DNAH7: variants seen among roughly 807,000 people sequenced by gnomAD.
DNAH7 encodes dynein axonemal heavy chain 7, also known as axonemal beta dynein heavy chain 7.
Under a neutral mutation model 444.6 loss-of-function variants are expected in DNAH7, and 397 were observed. The ratio of observed to expected loss-of-function variants is 0.89; its 90% CI spans 0.82 to 0.97. The LOEUF (loss-of-function observed/expected upper bound fraction) is 0.97, where lower values mean the gene tolerates loss of function less well. DNAH7 is among the 50% of genes least tolerant of loss of function. The probability of loss-of-function intolerance (pLI) is 0.00; values close to 1 mark genes in which losing one functional copy is unlikely to be tolerated. For missense variants in DNAH7, 4,902 were observed against 4,800.8 expected, an observed-to-expected ratio of 1.02 and a Z score of -0.62; for synonymous variants, 1,636 against 1,624.4, an observed-to-expected ratio of 1.01 and a Z score of -0.17.
chr2:196,065,390 C>T (rs996253122), intron 1 of DNAH7, among the ~76,000 whole-genome samples: 2 of 152,156 alleles, frequency 1.3e-5, no homozygotes, highest in Non-Finnish European at 2.9e-5. Context: ...AGGAACTCAA[C>T]AACTGTTAAT....
At chr2:195,808,579 C>T (rs557022381) in intron 53 of DNAH7, 103 bp downstream of exon 53, 4 of 1,366,048 alleles carry the variant, frequency 2.9e-6, no homozygotes, top group African/African-American at 1.5e-5. Flanking sequence ...TAACATGTGA[C>T]CAGTTGTTTA....
At chr2:195,930,773 C>A (rs1688638777) in intron 21 of DNAH7, among the ~76,000 whole-genome samples, 1 of 152,156 alleles carries the variant, frequency 6.6e-6, no homozygotes. Flanking sequence ...ATGGAATCAA[C>A]CTAGGTGCCA....
intron 5 of DNAH7, among the ~76,000 whole-genome samples, chr2:196,046,454 T>C (rs1356732928): frequency 6.6e-6 from 1 of 152,164 alleles, no homozygotes; most frequent in Non-Finnish European, 1.5e-5. Context: ...TTCTAAAAAT[T>C]TGTAACCAGA....
rs1692212889 is a variant in DNAH7, at chr2:195,976,743, C to CAGAGAGAGAGAGAGAG, written c.1834-4278_1834-4277insCTCTCTCTCTCTCTCT. ...TAGCAGACAGAGAGAGACAGAGAGG[C>CAGAGAGAGAGAGAGAG]AGACAGAGAGAGAGAGAGAGAGAGA... On this transcript the variant is annotated intron_variant, in intron 15 of 64. Transcript: ENST00000312428. Among the ~76,000 whole-genome samples the CAGAGAGAGAGAGAGAG allele has an allele frequency of 3.8e-4, 7 of 18,348 alleles. 1 individual carries two copies. The highest frequency in any genetic ancestry group is 1.1e-3 in the Non-Finnish European group (6 of 5,652). 12.0% of individuals were successfully genotyped at this position (18,348 alleles called of 152,430 possible).
In DNAH7 at chr2:195,987,144, GCT is replaced by G. The variant is rs1457969758; in HGVS notation, c.1674_1675del (p.Arg558SerfsTer16). On this transcript the variant is annotated frameshift_variant, in exon 14 of 65. Transcript: ENST00000312428. LOFTEE classifies it high-confidence loss of function. ...AATAATATCTGCTCGCTTCACCAAA[GCT>G]CTGATTAATTCCTCACAGTGCATTT... 6.2e-6 allele frequency: 10 copies of G among 1,607,234 alleles called. No individual in the cohort carries two copies. The highest frequency in any genetic ancestry group is 3.4e-5 in the Admixed American group (2 of 58,256).
chr2:195,865,576 A>G (rs1000644398), intron 40 of DNAH7, among the ~76,000 whole-genome samples: 5 of 152,162 alleles, frequency 3.3e-5, no homozygotes, highest in African/African-American at 9.7e-5. Context: ...ACAGAGAGCA[A>G]TCTACTAAAA....
chr2:195,891,440 T>C (rs1702006186), intron 31 of DNAH7, among the ~76,000 whole-genome samples: 1 of 152,008 alleles, frequency 6.6e-6, no homozygotes, highest in African/African-American at 2.4e-5. Flanking sequence ...CCCTCTCTTC[T>C]GTATTCCTCC....
In DNAH7 at chr2:195,816,771, A is replaced by C. The variant is rs1697239334; in HGVS notation, c.9618T>G (p.Ile3206Met). ...AAAATAGGATGGAAGAATGGATGGC[A>C]ATAGGACGATAGCCCATGCGGGTGG... ...IDTTRMGYRP[I>M]AIHSSILFFS... The change falls in exon 51 of 65, where the codon ATT becomes ATG. Residue 3206 changes from isoleucine to methionine, a missense_variant. Ile to Met is a conservative substitution (Grantham distance 10). Coordinates refer to ENST00000312428, the MANE Select transcript of DNAH7 (RefSeq NM_018897.3). 1.2e-6 allele frequency: 2 copies of C among 1,614,186 alleles called. No individual in the cohort carries two copies. Among genetic ancestry groups the C allele is most frequent in the Non-Finnish European group, 1.7e-6 (2 of 1,180,016 alleles).
At position 195,787,125 on chromosome 2, in the gene DNAH7, A is replaced by G. The variant is rs201635803; in HGVS notation, c.10763T>C (p.Leu3588Ser). Residue 3588 changes from leucine to serine, a missense_variant, in exon 58 of 65, where the codon TTG becomes TCG. Coordinates refer to ENST00000312428, the MANE Select transcript of DNAH7 (RefSeq NM_018897.3). ...TCCAAATTTCCGTCTTTCTTGTACC[A>G]AAGCATGAAAGAAACACAGGCCATA... ...LLYGLCFFHA[L>S]VQERRKFGPL... is the part of the protein sequence containing the mutation. 15 of 1,609,392 alleles carry G rather than the reference A, an allele frequency of 9.3e-6. No homozygotes were observed. In the Admixed American group the frequency reaches 1.2e-4, roughly 13 times the overall value.
chr2:195,898,179 T>C (rs572951947), intron 28 of DNAH7, among the ~76,000 whole-genome samples: 7 of 152,164 alleles, frequency 4.6e-5, no homozygotes, highest in African/African-American at 1.7e-4. Flanking sequence ...TTAAAACATA[T>C]AAACATTCAC....
chr2:195,876,704 A>G lies in DNAH7; in HGVS notation c.5962-5T>C, dbSNP rs80309791. 21,953 of 1,526,926 alleles carry G rather than the reference A, an allele frequency of 0.014. 1,870 individuals carry two copies. The East Asian group carries it at 0.25, about 18-fold the overall frequency. The allele number at this position is 1,526,926 out of a possible 1,614,324, so 94.6% of individuals were successfully genotyped here. On this transcript the variant is annotated splice_polypyrimidine_tract_variant and splice_region_variant and intron_variant, in intron 36 of 64. Transcript: ENST00000312428. ...TAGTTGATTTAAAAGAAAATTCTAT[A>G]TAACAAAATAATAAAATGAGCCATA...
intron 14 of DNAH7, among the ~76,000 whole-genome samples, chr2:195,986,035 A>G (rs1692884646): frequency 6.6e-6 from 1 of 152,018 alleles, no homozygotes. Flanking sequence ...CTCTTCCTGG[A>G]ATTATTTTAC....
intron 5 of DNAH7, among the ~76,000 whole-genome samples, chr2:196,037,047 C>T (rs1243970363): frequency 6.6e-6 from 1 of 152,132 alleles, no homozygotes. Context: ...TAAGGACTAG[C>T]CTACCTGGTA....
rs1691742808 is a variant in DNAH7 at position 195,970,071 on chromosome 2, C to G, written c.2082G>C (p.Glu694Asp). Reference sequence around the variant, plus strand: ...ATTGCTTAGCATAACTCTCCAATTCCTCCACAAACCGTTCACACCGTAACT... The same window carrying G: ...ATTGCTTAGCATAACTCTCCAATTCGTCCACAAACCGTTCACACCGTAACT... The part of the protein sequence containing the change: ...GLKLRCERFV[E>D]ELESYAKQSE... Residue 694 changes from glutamate (E) to aspartate (D), a missense_variant, in exon 17 of 65, where the codon GAG becomes GAC. By Grantham distance (45) the Glu-to-Asp change is conservative. Transcript: ENST00000312428. 9 of 1,611,126 alleles carry G rather than the reference C, an allele frequency of 5.6e-6. No homozygotes were observed. Among genetic ancestry groups the G allele is most frequent in the Non-Finnish European group, 7.6e-6 (9 of 1,179,160 alleles).
At chr2:195,743,898 A>G (rs988253778) in intron 63 of DNAH7, among the ~76,000 whole-genome samples, 7 of 152,386 alleles carry the variant, frequency 4.6e-5, no homozygotes, top group African/African-American at 1.7e-4. Context: ...ATGGCCAAAT[A>G]GGAACAGCTC....
chr2:195,814,387 G>A (rs956525922), intron 51 of DNAH7, among the ~76,000 whole-genome samples: 1 of 152,114 alleles, frequency 6.6e-6, no homozygotes, highest in African/African-American at 2.4e-5. Flanking sequence ...AAAAGGATTT[G>A]CTTTTCCTTA....
intron 19 of DNAH7, among the ~76,000 whole-genome samples, chr2:195,940,854 T>C (rs1453272846): frequency 1.3e-5 from 2 of 152,038 alleles, no homozygotes; most frequent in African/African-American, 2.4e-5. Context: ...ATGCCAATCA[T>C]TAAAAAGTCA....
intron 10 of DNAH7, among the ~76,000 whole-genome samples, chr2:196,010,898 G>A (rs1200335340): frequency 6.6e-6 from 1 of 152,082 alleles, no homozygotes; most frequent in Admixed American, 6.6e-5. Flanking sequence ...AATAAGCCAG[G>A]CACATAAAGA....
Position 195,864,514 on chromosome 2 carries a change from T to C in DNAH7, c.7141A>G (p.Lys2381Glu). The C allele has an allele frequency of 6.2e-7, 1 of 1,614,180 alleles. No homozygotes were observed. Among genetic ancestry groups the C allele is most frequent in the African/African-American group, 1.3e-5 (1 of 75,040 alleles). Residue 2381 changes from lysine (K) to glutamate (E), a missense_variant, in exon 41 of 65, where the codon AAA becomes GAA. By Grantham distance (56) the Lys-to-Glu change is moderately conservative (BLOSUM62 1). Coordinates refer to ENST00000312428, the MANE Select transcript of DNAH7 (RefSeq NM_018897.3). ...TCCGCACATTTCCTTAAGATCACTTTTAAATCTTCATGCCATTCAGTAGTA... is the reference window on the plus strand; with the variant it reads ...TCCGCACATTTCCTTAAGATCACTTCTAAATCTTCATGCCATTCAGTAGTA... ...YDTTEWHEDL[K>E]VILRKCAEGE...
Sources: allele counts gnomAD v4.1 joint callset (sites outside exome capture counted in the v4.1 genomes callset), GRCh38; gene constraint gnomAD v4.1.1; transcripts MANE v1.5; gene names NCBI Gene and HGNC (gene_info 2026-07-23, HGNC 2026-07-21).